The following PTPRR variants were observed in gnomAD, a reference collection of about 807,000 sequenced individuals.
PTPRR encodes the protein receptor-type tyrosine-protein phosphatase R.
Under a neutral mutation model 77.2 loss-of-function variants are expected in PTPRR, and 38 were observed. The observed-to-expected ratio is 0.49, with a 90% CI of 0.38 to 0.65. The LOEUF (loss-of-function observed/expected upper bound fraction) is 0.65, where lower values mean the gene tolerates loss of function less well. Among genes scored for constraint, PTPRR ranks in the 30% least tolerant of loss-of-function variants. The probability of loss-of-function intolerance (pLI) is 0.00; values close to 1 mark genes in which losing one functional copy is unlikely to be tolerated. For synonymous variants in PTPRR, 299 were observed against 283.1 expected (o/e 1.06, Z -0.57); for missense variants, 744 against 799.2 (o/e 0.93, Z 0.83).
In PTPRR at chr12:70,678,483, T is replaced by C. The variant is rs527511507; in HGVS notation, c.1497+5644A>G. 5.9e-5 allele frequency among the ~76,000 whole-genome samples: 9 copies of C among 152,312 alleles called. No homozygotes were observed. The East Asian group carries it at 1.5e-3, about 26-fold the overall frequency. On this transcript the variant is annotated intron_variant, in intron 10 of 13. Coordinates refer to ENST00000283228, the MANE Select transcript of PTPRR (RefSeq NM_002849.4). ...TAGATTATCCAATTTGTTCGTGTAG[T>C]ATTGTTCACCATAGTCTTTTATAAT...
In PTPRR at chr12:70,806,721, G is replaced by A. The variant is rs1332567467; in HGVS notation, c.358-41943C>T. Among the ~76,000 whole-genome samples, 165 of 152,074 alleles carry A rather than the reference G, an allele frequency of 1.1e-3. 1 individual carries two copies. The highest frequency in any genetic ancestry group is 1.9e-4 in the East Asian group (1 of 5,182). ...TGCCTTTCCATTGTTTATTCTGTTC[G>A]GAATCGTAGTTCCCATTTCCTTTAC... On this transcript the variant is annotated intron_variant, in intron 2 of 13. Transcript: ENST00000283228.
At chr12:70,656,840 T>A (rs771634975) in intron 12 of PTPRR, 23 bp from the exon 13 acceptor site, 2 of 1,467,332 alleles carry the variant, frequency 1.4e-6, no homozygotes, top group Admixed American at 3.5e-5. Context: ...GAAAAGAAAT[T>A]TAAAAAGTGG....
chr12:70,785,140 G>A (rs11835015), intron 2 of PTPRR, among the ~76,000 whole-genome samples: 9,478 of 152,096 alleles, frequency 0.062, 312 homozygotes, highest in African/African-American at 0.078. Flanking sequence ...CTGTGAACAT[G>A]CAACTCAAAT....
At chr12:70,777,546 C>A (rs4760806) in intron 2 of PTPRR, among the ~76,000 whole-genome samples, 8,967 of 152,166 alleles carry the variant, frequency 0.059, 332 homozygotes, top group East Asian at 0.14. Flanking sequence ...ATTATTATTT[C>A]TATATTGTTA....
chr12:70,821,971 A>G (rs532099852), intron 2 of PTPRR, among the ~76,000 whole-genome samples: 3 of 152,126 alleles, frequency 2.0e-5, no homozygotes, highest in Non-Finnish European at 4.4e-5. Context: ...GCCGAAACCT[A>G]TGTATTTATT....
intron 6 of PTPRR, among the ~76,000 whole-genome samples, chr12:70,729,704 G>C (rs572234756): frequency 1.7e-4 from 26 of 152,120 alleles, no homozygotes; most frequent in African/African-American, 6.3e-4. Flanking sequence ...ATGTACACCA[G>C]GCACCTTAAT....
chr12:70,740,760 T>G (rs1392789436), intron 6 of PTPRR, among the ~76,000 whole-genome samples: 1 of 152,202 alleles, frequency 6.6e-6, no homozygotes, highest in Non-Finnish European at 1.5e-5. Context: ...TGACTTATAA[T>G]GCAGTCTTTA....
At chr12:70,842,542 C>T (rs1177442255) in intron 2 of PTPRR, among the ~76,000 whole-genome samples, 1 of 152,176 alleles carries the variant, frequency 6.6e-6, no homozygotes, top group Non-Finnish European at 1.5e-5. Flanking sequence ...CTGTTCTTTG[C>T]CTCTTCCAAC....
chr12:70,757,133 G>A (rs1043637043), intron 4 of PTPRR, among the ~76,000 whole-genome samples: 1 of 152,160 alleles, frequency 6.6e-6, no homozygotes, highest in Non-Finnish European at 1.5e-5. Context: ...AAGACTACCT[G>A]CTAGTGTTCC....
Position 70,881,850 on chromosome 12 carries a change from G to A in PTPRR, c.357+10829C>T, listed in dbSNP as rs530254281. Among the ~76,000 whole-genome samples, 13 of 152,292 alleles carry A rather than the reference G, an allele frequency of 8.5e-5. 1 individual carries two copies. The South Asian group carries it at 2.7e-3, about 32-fold the overall frequency. On this transcript the variant is annotated intron_variant, in intron 2 of 13. Coordinates refer to ENST00000283228, the MANE Select transcript of PTPRR (RefSeq NM_002849.4). ...ACACAATGAATAGATTCAACAGCGAGAAGAAGCAAATATATTTGAAATAGT... is the reference window on the plus strand; with the variant it reads ...ACACAATGAATAGATTCAACAGCGAAAAGAAGCAAATATATTTGAAATAGT...
chr12:70,823,110 C>CTG (rs1892048935), intron 2 of PTPRR, among the ~76,000 whole-genome samples: 4 of 25,796 alleles, frequency 1.6e-4, no homozygotes, highest in Admixed American at 9.4e-4. Flanking sequence ...CTCTCTCTGA[C>CTG]ACACACACAC....
intron 6 of PTPRR, among the ~76,000 whole-genome samples, chr12:70,703,125 G>C (rs1164083748): frequency 6.6e-6 from 1 of 150,486 alleles, no homozygotes; most frequent in African/African-American, 2.5e-5. Flanking sequence ...CCTTCTAACA[G>C]TTTTTACCTT....
At chr12:70,671,080 G>C (rs2136696595) in intron 10 of PTPRR, among the ~76,000 whole-genome samples, 2 of 152,264 alleles carry the variant, frequency 1.3e-5, no homozygotes, top group South Asian at 4.1e-4. Context: ...ATCTCCATAT[G>C]TTTTTTGGAG....
rs185512805 is a variant in PTPRR, at chr12:70,710,318, T to C, written c.1008-8995A>G. ...CAATGGGAAAGTATTCCCTATTCAG[T>C]AAATGGTGCTGGGAGAACTGACTAG... On this transcript the variant is annotated intron_variant, in intron 6 of 13. Coordinates refer to ENST00000283228, the MANE Select transcript of PTPRR (RefSeq NM_002849.4). Among the ~76,000 whole-genome samples the C allele has an allele frequency of 2.6e-5, 4 of 152,258 alleles. No individual in the cohort carries two copies. In the East Asian group the frequency reaches 7.7e-4, roughly 29 times the overall value.
rs559788210 is a variant in PTPRR at position 70,880,107 on chromosome 12, G to A, written c.357+12572C>T. On this transcript the variant is annotated intron_variant, in intron 2 of 13. Coordinates refer to ENST00000283228, the MANE Select transcript of PTPRR (RefSeq NM_002849.4). ...GTTTTCTTGGTACTGAGGCCAAAAA[G>A]ATACATTTTTCATTGTTCCATATAA... Among the ~76,000 whole-genome samples, 408 of 152,036 alleles carry A rather than the reference G, an allele frequency of 2.7e-3. 1 individual carries two copies. The highest frequency in any genetic ancestry group is 4.6e-3 in the Non-Finnish European group (310 of 67,952).
intron 5 of PTPRR, among the ~76,000 whole-genome samples, chr12:70,751,190 C>A (rs965775915): frequency 3.3e-5 from 5 of 152,168 alleles, no homozygotes; most frequent in African/African-American, 1.2e-4. Flanking sequence ...GAGAACATTT[C>A]CACACAGTCA....
At chr12:70,887,048 C>T (rs1893251471) in intron 2 of PTPRR, among the ~76,000 whole-genome samples, 1 of 152,146 alleles carries the variant, frequency 6.6e-6, no homozygotes, top group South Asian at 2.1e-4. Flanking sequence ...AAGACAGTGC[C>T]CTCCTTCTTT....
intron 2 of PTPRR, among the ~76,000 whole-genome samples, chr12:70,866,502 T>C (rs1316093530): frequency 3.3e-5 from 5 of 152,134 alleles, no homozygotes; most frequent in African/African-American, 1.2e-4. Context: ...AATCCCTGAA[T>C]AGACCAATAA....
In PTPRR at chr12:70,800,578, C is replaced by T. The variant is rs1445203299; in HGVS notation, c.358-35800G>A. On this transcript the variant is annotated intron_variant, in intron 2 of 13. Transcript: ENST00000283228. ...ATAAAGTAGGTATTTTTTTCATTTA[C>T]TAATGAGGTAACTGAGGCTCAAAAG... Among the ~76,000 whole-genome samples the T allele has an allele frequency of 2.6e-5, 4 of 151,924 alleles. No individual in the cohort carries two copies. In the South Asian group the frequency reaches 8.3e-4, roughly 31 times the overall value.
Sources: gnomAD v4.1 joint callset for allele counts (sites outside exome capture counted in the v4.1 genomes callset) on GRCh38, gnomAD v4.1.1 for gene constraint, MANE v1.5 for transcripts, NCBI Gene and HGNC (gene_info 2026-07-23, HGNC 2026-07-21) for gene names.